The following FTO variants were observed in gnomAD, a reference collection of about 807,000 sequenced individuals.
FTO encodes the protein FTO alpha-ketoglutarate dependent dioxygenase.
Under a neutral mutation model 63.9 loss-of-function variants are expected in FTO, and 47 were observed. The ratio of observed to expected loss-of-function variants is 0.74; its 90% CI spans 0.58 to 0.94. The LOEUF (loss-of-function observed/expected upper bound fraction) is 0.94. FTO is among the 40% of genes least tolerant of loss of function. FTO has a pLI of 0.00. For synonymous variants in FTO, 207 were observed against 224.4 expected, an observed-to-expected ratio of 0.92 and a Z score of 0.69; for missense variants, 562 against 618.1, an observed-to-expected ratio of 0.91 and a Z score of 0.96.
At chr16:54,011,713 G>A (rs1474575805) in intron 8 of FTO, among the ~76,000 whole-genome samples, 3 of 152,080 alleles carry the variant, frequency 2.0e-5, no homozygotes, top group African/African-American at 2.4e-5. Context: ...CAAAAGAAAC[G>A]ATATAAAAAT....
chr16:53,774,695 T>C (rs767636895), intron 1 of FTO, among the ~76,000 whole-genome samples: 4 of 152,040 alleles, frequency 2.6e-5, no homozygotes, highest in Admixed American at 6.6e-5. Context: ...ACCAGAGAAA[T>C]GGGCTGAAGG....
intron 8 of FTO, among the ~76,000 whole-genome samples, chr16:54,025,975 T>A (rs1313674408): frequency 2.6e-5 from 4 of 152,074 alleles, no homozygotes; most frequent in Non-Finnish European, 5.9e-5. Context: ...ATCACGCCAC[T>A]GCACTCAACC....
intron 8 of FTO, among the ~76,000 whole-genome samples, chr16:53,958,487 C>T (rs925048727): frequency 2.1e-4 from 32 of 152,110 alleles, no homozygotes; most frequent in African/African-American, 7.2e-4. Context: ...AAAGCTTTGT[C>T]AGATAGGTTA....
At chr16:53,934,207 A>G in intron 8 of FTO, 98 bp downstream of exon 8, 1 of 1,337,922 alleles carries the variant, frequency 7.5e-7, no homozygotes, top group Non-Finnish European at 1.1e-6. Context: ...CTTTCCTTTG[A>G]GGGCCCATGA....
chr16:53,943,090 G>A (rs2082570501), intron 8 of FTO, among the ~76,000 whole-genome samples: 1 of 152,196 alleles, frequency 6.6e-6, no homozygotes, highest in Admixed American at 6.5e-5. Flanking sequence ...GCCCTTAGCA[G>A]AAGAAAGTTC....
intron 2 of FTO, among the ~76,000 whole-genome samples, chr16:53,822,839 G>A (rs565727285): frequency 2.6e-4 from 39 of 152,080 alleles, no homozygotes; most frequent in African/African-American, 8.7e-4. Context: ...CCTGACTTGG[G>A]GGCTACTGCT....
chr16:53,779,448 C>G (rs2151651742), intron 1 of FTO, among the ~76,000 whole-genome samples: 1 of 152,292 alleles, frequency 6.6e-6, no homozygotes, highest in African/African-American at 2.4e-5. Flanking sequence ...GCTTGGCACA[C>G]AGAAACTGTT....
chr16:53,905,739 G>A (rs559927017), intron 7 of FTO, among the ~76,000 whole-genome samples: 2 of 152,166 alleles, frequency 1.3e-5, no homozygotes, highest in South Asian at 4.1e-4. Flanking sequence ...CACCTTGAGA[G>A]CAGGGACTCT....
At chr16:54,013,312 A>G (rs2084368504) in intron 8 of FTO, 1 of 152,472 alleles carries the variant, frequency 6.6e-6, no homozygotes, top group Non-Finnish European at 1.5e-5. Flanking sequence ...TCTCATGATC[A>G]AACTTAACAG....
rs1187092592 is a variant in FTO, at chr16:54,112,344, A to T, written c.*429A>T. 4.7e-6 allele frequency: 1 copy of T among 212,908 alleles called. No homozygotes were observed. Among genetic ancestry groups the T allele is most frequent in the South Asian group, 8.0e-5 (1 of 12,546 alleles). The allele number at this position is 212,908 out of a possible 1,614,324, so 13.2% of individuals were successfully genotyped here. ...CTCACCACACCCATAGTGCTGTCCA[A>T]TATGGTAGCCACTAGCTAGCTGTGG... is the stretch of plus-strand genomic sequence containing the variant. On this transcript the variant is annotated 3_prime_UTR_variant, in exon 9 of 9. Transcript: ENST00000471389.
intron 3 of FTO, 33 bp from the exon 4 acceptor site, chr16:53,844,122 T>C (rs1462011512): frequency 1.3e-6 from 2 of 1,596,592 alleles, no homozygotes; most frequent in Non-Finnish European, 8.6e-7. Flanking sequence ...GATTAAACAT[T>C]TCCTTTCTGA....
rs754711298 is a variant in FTO at position 54,111,790 on chromosome 16, C to T, written c.1393C>T (p.Pro465Ser). 9 of 1,614,112 alleles carry T rather than the reference C, an allele frequency of 5.6e-6. No individual in the cohort carries two copies. The Admixed American group carries it at 1.5e-4, about 27-fold the overall frequency. ...CCAGTCACGAATTGCCCGAACATTA[C>T]CTGCTGATCAGAAGCCAGAATGTCG... is the stretch of plus-strand genomic sequence containing the variant. ...RCQSRIARTL[P>S]ADQKPECRPY... Residue 465 changes from proline to serine, a missense_variant, in exon 9 of 9, where the codon CCT becomes TCT. Pro to Ser is a moderately conservative substitution (Grantham distance 74). Coordinates refer to ENST00000471389, the MANE Select transcript of FTO (RefSeq NM_001080432.3).
chr16:53,890,891 TTGA>T (rs1260089856), intron 7 of FTO, among the ~76,000 whole-genome samples: 2 of 152,340 alleles, frequency 1.3e-5, no homozygotes, highest in African/African-American at 4.8e-5. Flanking sequence ...ACCTCTTAAC[TTGA>T]TGAACCTTGG....
intron 8 of FTO, among the ~76,000 whole-genome samples, chr16:53,947,433 C>T (rs1015267074): frequency 2.0e-5 from 3 of 152,184 alleles, no homozygotes; most frequent in Non-Finnish European, 2.9e-5. Context: ...CTATAACTAA[C>T]TCTGGGCTTG....
At chr16:53,816,013 G>A (rs184661135) in intron 2 of FTO, among the ~76,000 whole-genome samples, 5 of 151,990 alleles carry the variant, frequency 3.3e-5, no homozygotes, top group African/African-American at 7.2e-5. Context: ...CTAAAATGGC[G>A]CCCAATCATA....
Position 53,791,588 on chromosome 16 carries a change from G to A in FTO, c.46-18552G>A, listed in dbSNP as rs772890343. The stretch of plus-strand genomic sequence containing the variant: ...TTAGGTTGCAAGTCTTGGAATATAT[G>A]CAGAGGAATAACTTTATTACAATGA... On this transcript the variant is annotated intron_variant, in intron 1 of 8. Transcript: ENST00000471389. Among the ~76,000 whole-genome samples the A allele has an allele frequency of 4.9e-4, 75 of 152,158 alleles. 1 individual carries two copies. Among genetic ancestry groups the A allele is most frequent in the Non-Finnish European group, 7.5e-4 (51 of 68,042 alleles).
intron 4 of FTO, among the ~76,000 whole-genome samples, chr16:53,848,127 C>CT (rs1279349653): frequency 1.3e-5 from 2 of 151,866 alleles, no homozygotes; most frequent in African/African-American, 2.4e-5. Context: ...TCCTTCATCT[C>CT]TTTTTTTTAA....
At chr16:53,956,449 A>T (rs927607078) in intron 8 of FTO, among the ~76,000 whole-genome samples, 1 of 152,076 alleles carries the variant, frequency 6.6e-6, no homozygotes, top group Non-Finnish European at 1.5e-5. Flanking sequence ...AAGAAAGCAG[A>T]TCTAGTCACT....
In FTO at chr16:53,823,235, A is replaced by G. The variant is rs143826348; in HGVS notation, c.124-2629A>G. Among the ~76,000 whole-genome samples, 3 of 152,288 alleles carry G rather than the reference A, an allele frequency of 2.0e-5. No homozygotes were observed. In the East Asian group the frequency reaches 5.8e-4, roughly 29 times the overall value. On this transcript the variant is annotated intron_variant, in intron 2 of 8. Coordinates refer to ENST00000471389, the MANE Select transcript of FTO (RefSeq NM_001080432.3). ...ACTTGGCCTCTCAGTGTCAGGTGAC[A>G]TAGTTGAGTACCCCGCCCTTCTAGA...
Sources: allele counts gnomAD v4.1 joint callset (sites outside exome capture counted in the v4.1 genomes callset), GRCh38; gene constraint gnomAD v4.1.1; transcripts MANE v1.5; gene names NCBI Gene and HGNC (gene_info 2026-07-23, HGNC 2026-07-21).